Variants in CLVS1 observed in about 807,000 individuals in gnomAD.
The protein encoded by CLVS1 is clavesin-1.
Under a neutral mutation model 33.1 loss-of-function variants are expected in CLVS1, and 10 were observed. That is an observed-to-expected ratio of 0.30 (90% confidence interval 0.19 to 0.51). The LOEUF (loss-of-function observed/expected upper bound fraction) is 0.51, where lower values mean the gene tolerates loss of function less well. Among genes scored for constraint, CLVS1 ranks in the 20% least tolerant of loss-of-function variants. CLVS1 has a pLI of 0.97. For missense variants in CLVS1, 343 were observed against 433.4 expected (o/e 0.79, Z 1.85); for synonymous variants, 163 against 166.1 (o/e 0.98, Z 0.14).
intron 3 of CLVS1, among the ~76,000 whole-genome samples, chr8:61,380,346 A>G (rs899411582): frequency 2.0e-5 from 3 of 152,246 alleles, no homozygotes; most frequent in Non-Finnish European, 2.9e-5. Flanking sequence ...ATGAGTCATT[A>G]TAACAATCAT....
the CLVS1 span, among the ~76,000 whole-genome samples, chr8:61,033,163 A>AAAGAAAGAAAG: frequency 8.3e-6 from 1 of 120,722 alleles, no homozygotes; most frequent in Non-Finnish European, 1.8e-5. Context: ...AAGAAAGAAA[A>AAAGAAAGAAAG]AGAAAGAAAG....
chr8:61,443,681 T>A (rs973094279), intron 3 of CLVS1, among the ~76,000 whole-genome samples: 1 of 152,198 alleles, frequency 6.6e-6, no homozygotes, highest in Non-Finnish European at 1.5e-5. Context: ...GAATAATTCC[T>A]TCCACTTTAT....
At chr8:61,020,874 G>A in the CLVS1 span, among the ~76,000 whole-genome samples, 1 of 152,160 alleles carries the variant, frequency 6.6e-6, no homozygotes, top group African/African-American at 2.4e-5. Context: ...TTACTCCAGA[G>A]CCACACTCTA....
chr8:61,217,963 C>T (rs1006163804), intron 2 of CLVS1, among the ~76,000 whole-genome samples: 16 of 152,106 alleles, frequency 1.1e-4, no homozygotes, highest in African/African-American at 1.4e-4. Flanking sequence ...TATCATTTCA[C>T]CCCAGTTAGG....
At chr8:61,101,791 G>A (rs1805455149) in intron 1 of CLVS1, among the ~76,000 whole-genome samples, 1 of 143,248 alleles carries the variant, frequency 7.0e-6, no homozygotes, top group Non-Finnish European at 1.5e-5. Context: ...TAAATATGGT[G>A]TGAGTAGGAG....
At chr8:61,035,480 G>A in the CLVS1 span, among the ~76,000 whole-genome samples, 1 of 152,196 alleles carries the variant, frequency 6.6e-6, no homozygotes, top group Non-Finnish European at 1.5e-5. Context: ...CTAAAGAGTA[G>A]ATGTGCAATG....
At chr8:61,009,669 T>A in the CLVS1 span, among the ~76,000 whole-genome samples, 2 of 152,338 alleles carry the variant, frequency 1.3e-5, no homozygotes, top group South Asian at 2.1e-4. Flanking sequence ...CCAATGTCTC[T>A]TACTTGTTAT....
At chr8:61,419,311 C>T (rs939163316) in intron 3 of CLVS1, among the ~76,000 whole-genome samples, 4 of 150,250 alleles carry the variant, frequency 2.7e-5, no homozygotes, top group African/African-American at 9.9e-5. Context: ...GCAGGAGAAT[C>T]GCTTGAACCC....
At chr8:61,312,617 C>A (rs991458312) in intron 2 of CLVS1, among the ~76,000 whole-genome samples, 5 of 152,190 alleles carry the variant, frequency 3.3e-5, no homozygotes, top group African/African-American at 1.2e-4. Flanking sequence ...TAAATAACAG[C>A]AGTGCCTTTC....
chr8:61,210,268 C>T (rs530041222), intron 2 of CLVS1, among the ~76,000 whole-genome samples: 2 of 152,298 alleles, frequency 1.3e-5, no homozygotes, highest in Admixed American at 6.5e-5. Flanking sequence ...TCCTATTTCT[C>T]CCACTTTCCT....
chr8:61,209,213 A>C (rs922177220), intron 2 of CLVS1, among the ~76,000 whole-genome samples: 21 of 152,214 alleles, frequency 1.4e-4, no homozygotes, highest in Admixed American at 5.2e-4. Flanking sequence ...TGAATCATGG[A>C]TGTGTAAGGC....
chr8:60,998,661 G>T, the CLVS1 span, among the ~76,000 whole-genome samples: 1,787 of 152,252 alleles, frequency 0.012, 27 homozygotes, highest in Admixed American at 0.019. Flanking sequence ...CTGCTATTTG[G>T]GTTTGTTCCG....
chr8:60,994,668 T>G, the CLVS1 span, among the ~76,000 whole-genome samples: 1 of 152,054 alleles, frequency 6.6e-6, no homozygotes, highest in South Asian at 2.1e-4. Context: ...AAAAAATTTA[T>G]TTTGGCTTAG....
At chr8:61,495,535 T>C (rs1355983105) in intron 5 of CLVS1, among the ~76,000 whole-genome samples, 2 of 152,214 alleles carry the variant, frequency 1.3e-5, no homozygotes, top group Non-Finnish European at 2.9e-5. Flanking sequence ...CAGATAATCA[T>C]TTGGATGGGT....
At chr8:61,106,136 C>T (rs1411513691) in intron 1 of CLVS1, among the ~76,000 whole-genome samples, 4 of 152,166 alleles carry the variant, frequency 2.6e-5, no homozygotes, top group Admixed American at 2.0e-4. Flanking sequence ...TTGCTCCTTC[C>T]CTGGAAGAGG....
upstream of CLVS1, among the ~76,000 whole-genome samples, chr8:61,286,235 T>C (rs1333459269): frequency 1.3e-5 from 2 of 152,168 alleles, no homozygotes; most frequent in Admixed American, 6.5e-5. Context: ...TCATAGCCCA[T>C]GGCCAGAGTA....
chr8:61,430,478 T>A (rs1468399416), intron 3 of CLVS1, among the ~76,000 whole-genome samples: 1 of 152,162 alleles, frequency 6.6e-6, no homozygotes, highest in Non-Finnish European at 1.5e-5. Flanking sequence ...GTCTTCCATG[T>A]CCAAGTCATC....
chr8:61,389,238 A>G (rs183288673), intron 3 of CLVS1, among the ~76,000 whole-genome samples: 24 of 152,294 alleles, frequency 1.6e-4, no homozygotes, highest in Non-Finnish European at 3.5e-4. Context: ...TAGCATATAG[A>G]CAATATCAAG....
intron 1 of CLVS1, among the ~76,000 whole-genome samples, chr8:61,290,844 C>A (rs571505452): frequency 1.3e-5 from 2 of 152,282 alleles, no homozygotes; most frequent in Admixed American, 6.5e-5. Flanking sequence ...TTCTTTTCAA[C>A]CTTCTCCCAA....
Sources: allele counts gnomAD v4.1 joint callset (sites outside exome capture counted in the v4.1 genomes callset), GRCh38; gene constraint gnomAD v4.1.1; transcripts MANE v1.5; gene names NCBI Gene and HGNC (gene_info 2026-07-23, HGNC 2026-07-21).